Variants in AFAP1 observed in about 807,000 individuals in gnomAD.
AFAP1 encodes the protein actin filament associated protein 1, also known as actin filament-associated protein 1.
A neutral mutation model predicts 93.9 loss-of-function variants in AFAP1; 75 were observed. The ratio of observed to expected loss-of-function variants is 0.80; its 90% CI spans 0.66 to 0.97. The LOEUF is 0.97. AFAP1 is among the 50% of genes least tolerant of loss of function. The pLI, the probability that AFAP1 is intolerant of heterozygous loss-of-function variation, is 0.00. For synonymous variants in AFAP1, 517 were observed against 430.7 expected, an observed-to-expected ratio of 1.20 and a Z score of -2.48; for missense variants, 1,201 against 1,050.8, an observed-to-expected ratio of 1.14 and a Z score of -1.98.
At chr4:7,823,828 A>C (rs76051286) in intron 6 of AFAP1, among the ~76,000 whole-genome samples, 1,633 of 152,328 alleles carry the variant, frequency 0.011, 24 homozygotes, top group African/African-American at 0.037. Context: ...CGCATTCAGC[A>C]ACCCAGAGCA....
intron 3 of AFAP1, among the ~76,000 whole-genome samples, chr4:7,866,867 T>TAA (rs71264985): frequency 1.1e-4 from 16 of 139,938 alleles, no homozygotes; most frequent in Non-Finnish European, 1.7e-4. Flanking sequence ...CTTTCTCTAT[T>TAA]AAAAAAAAAA....
chr4:7,930,771 G>C (rs1344732145), intron 1 of AFAP1, among the ~76,000 whole-genome samples: 2 of 152,012 alleles, frequency 1.3e-5, no homozygotes, highest in African/African-American at 4.8e-5. Context: ...TTTTTTTTGA[G>C]ACAGAGTCTA....
chr4:7,816,363 C>A (rs1337294742), intron 7 of AFAP1, among the ~76,000 whole-genome samples: 1 of 152,128 alleles, frequency 6.6e-6, no homozygotes, highest in East Asian at 1.9e-4. Flanking sequence ...CTGTCTCATG[C>A]CTATTTCATT....
At chr4:7,786,534 G>A (rs759485570) in intron 11 of AFAP1, among the ~76,000 whole-genome samples, 7 of 152,176 alleles carry the variant, frequency 4.6e-5, no homozygotes, top group Non-Finnish European at 1.0e-4. Context: ...GGCACAGATC[G>A]CCAGTAACCA....
chr4:7,832,079 G>A (rs945687342), intron 6 of AFAP1, among the ~76,000 whole-genome samples: 2 of 152,118 alleles, frequency 1.3e-5, no homozygotes, highest in East Asian at 1.9e-4. Flanking sequence ...AACTACACAC[G>A]CCTGCTTTGA....
intron 6 of AFAP1, among the ~76,000 whole-genome samples, chr4:7,838,016 C>A (rs1201808533): frequency 3.3e-5 from 5 of 151,626 alleles, no homozygotes; most frequent in Admixed American, 2.6e-4. Flanking sequence ...CTTGTTTCAA[C>A]AAACAAAGAA....
At chr4:7,847,792 T>C (rs932532227) in intron 4 of AFAP1, among the ~76,000 whole-genome samples, 4 of 36,566 alleles carry the variant, frequency 1.1e-4, no homozygotes, top group African/African-American at 3.7e-4. Flanking sequence ...TCAGGGGTAC[T>C]CGGGGTGGGG....
chr4:7,925,870 A>C lies in AFAP1; in HGVS notation c.-3+13786T>G, dbSNP rs997298607. On this transcript the variant is annotated intron_variant, in intron 1 of 17. Transcript: ENST00000420658. The stretch of plus-strand genomic sequence containing the variant: ...CAAAAAAAAAAAGAAAGAAAGAAAG[A>C]AAGCAATGATGTGAACTTGAACAAT... Among the ~76,000 whole-genome samples the C allele has an allele frequency of 4.6e-5, 7 of 151,994 alleles. 1 individual carries two copies. The Middle Eastern group carries it at 0.014, about 297-fold the overall frequency.
intron 10 of AFAP1, among the ~76,000 whole-genome samples, chr4:7,798,349 AGCACTGCAACTCTATTGGCTGGCTCACG>A (rs1560165263): frequency 0.12 from 11,627 of 99,920 alleles, 777 homozygotes; most frequent in East Asian, 0.39. Flanking sequence ...GCTGGCTCAC[AGCACTGCAACTCTATTGGCTGGCTCACG>A]GCACTGCAAC....
At chr4:7,912,822 GT>G (rs1024927150) in intron 1 of AFAP1, among the ~76,000 whole-genome samples, 10 of 151,842 alleles carry the variant, frequency 6.6e-5, no homozygotes, top group Admixed American at 6.6e-4. Flanking sequence ...CAGAGTTCAG[GT>G]TTTTTTTCTA....
At chr4:7,809,296 T>C (rs1719806592) in intron 9 of AFAP1, 1 of 177,202 alleles carries the variant, frequency 5.6e-6, no homozygotes, top group African/African-American at 2.4e-5. Context: ...AATCCTTTCT[T>C]TACCAGCAGC....
chr4:7,913,154 T>C (rs1320017088), intron 1 of AFAP1, among the ~76,000 whole-genome samples: 3 of 152,148 alleles, frequency 2.0e-5, no homozygotes, highest in Admixed American at 2.0e-4. Flanking sequence ...TGTGGGAAGA[T>C]GAAGCAGGAG....
chr4:7,768,881 C>G lies in AFAP1; in HGVS notation c.2381G>C (p.Ser794Thr). 6.2e-7 allele frequency: 1 copy of G among 1,607,828 alleles called. No homozygotes were observed. The stretch of plus-strand genomic sequence containing the variant: ...CAGCACATGCCCTCGGCAGGGGGAG[C>G]TGCCCGGGGCAGCCTGGCTCTTCTT... ...VLKKSQAAPG[S>T]SPCRGHVLRK... Residue 794 changes from serine (S) to threonine (T), a missense_variant, in exon 17 of 18, where the codon AGC becomes ACC. Coordinates refer to ENST00000420658, the MANE Select transcript of AFAP1 (RefSeq NM_001134647.2).
chr4:7,779,077 G>A, intron 13 of AFAP1: 1 of 571,262 alleles, frequency 1.8e-6, no homozygotes, highest in Non-Finnish European at 3.1e-6. Flanking sequence ...GGCTAAGGAG[G>A]GTACGGCAGA....
intron 1 of AFAP1, among the ~76,000 whole-genome samples, chr4:7,930,472 A>G (rs545495294): frequency 1.3e-5 from 2 of 152,106 alleles, no homozygotes; most frequent in Admixed American, 1.3e-4. Context: ...GGTATGTCCA[A>G]CTCTTTAATC....
At chr4:7,784,274 G>C (rs922564862) in intron 12 of AFAP1, among the ~76,000 whole-genome samples, 1 of 152,092 alleles carries the variant, frequency 6.6e-6, no homozygotes, top group African/African-American at 2.4e-5. Flanking sequence ...TCTGAAGCTA[G>C]GATGGGATCC....
chr4:7,816,801 T>C (rs1392662875), intron 7 of AFAP1, among the ~76,000 whole-genome samples: 1 of 152,162 alleles, frequency 6.6e-6, no homozygotes, highest in East Asian at 1.9e-4. Context: ...CCTTGGAGAC[T>C]GGGACACAGA....
At chr4:7,889,779 G>A (rs192797122) in intron 1 of AFAP1, among the ~76,000 whole-genome samples, 4 of 148,240 alleles carry the variant, frequency 2.7e-5, no homozygotes, top group African/African-American at 9.9e-5. Flanking sequence ...ATTAAAATAT[G>A]TTAAATATAT....
intron 1 of AFAP1, among the ~76,000 whole-genome samples, chr4:7,937,607 C>T (rs1268152252): frequency 2.6e-5 from 4 of 152,156 alleles, no homozygotes; most frequent in African/African-American, 9.7e-5. Flanking sequence ...CTGCCTCAGC[C>T]TCATGAGTAG....
Sources: gnomAD v4.1 joint callset for allele counts (sites outside exome capture counted in the v4.1 genomes callset) on GRCh38, gnomAD v4.1.1 for gene constraint, MANE v1.5 for transcripts, NCBI Gene and HGNC (gene_info 2026-07-23, HGNC 2026-07-21) for gene names.